Variants in SCFD2 observed in about 807,000 individuals in gnomAD.
SCFD2 encodes the protein sec1 family domain-containing protein 2.
A neutral mutation model predicts 58.9 loss-of-function variants in SCFD2; 54 were observed. The ratio of observed to expected loss-of-function variants is 0.92; its 90% CI spans 0.74 to 1.15. The LOEUF (loss-of-function observed/expected upper bound fraction) is 1.15, where lower values mean the gene tolerates loss of function less well. SCFD2 is among the 50% of genes most tolerant of loss of function. SCFD2 has a pLI of 0.00. For missense variants in SCFD2, 805 were observed against 836.6 expected (o/e 0.96, Z 0.47); for synonymous variants, 321 against 335.9 (o/e 0.96, Z 0.49).
chr4:52,912,297 T>C (rs1719505399), intron 6 of SCFD2, among the ~76,000 whole-genome samples: 1 of 152,124 alleles, frequency 6.6e-6, no homozygotes, highest in Non-Finnish European at 1.5e-5. Context: ...ATATTTTATC[T>C]AAAAGCATTA....
chr4:53,236,953 G>A (rs1729642165), intron 4 of SCFD2, among the ~76,000 whole-genome samples: 2 of 151,538 alleles, frequency 1.3e-5, no homozygotes, highest in African/African-American at 4.8e-5. Context: ...AGTGAACAAA[G>A]GTCTCTGGTT....
At chr4:52,968,463 G>A (rs540556717) in intron 5 of SCFD2, among the ~76,000 whole-genome samples, 45 of 152,316 alleles carry the variant, frequency 3.0e-4, no homozygotes, top group African/African-American at 9.6e-4. Context: ...ATCTGTGGCC[G>A]TGGGGCAAAT....
chr4:53,175,717 T>G (rs1727307671), intron 4 of SCFD2, among the ~76,000 whole-genome samples: 1 of 152,168 alleles, frequency 6.6e-6, no homozygotes, highest in Admixed American at 6.6e-5. Context: ...CCATGACACT[T>G]TCAAAAATGG....
chr4:53,322,839 T>C (rs1332288642), intron 2 of SCFD2, among the ~76,000 whole-genome samples: 1 of 152,220 alleles, frequency 6.6e-6, no homozygotes. Context: ...CTAGGCTGGA[T>C]TGATTACATC....
chr4:53,250,416 C>A (rs972921880), intron 4 of SCFD2, among the ~76,000 whole-genome samples: 1 of 152,082 alleles, frequency 6.6e-6, no homozygotes, highest in Non-Finnish European at 1.5e-5. Context: ...AACAAGGATA[C>A]CCAGGAATTG....
In SCFD2 at chr4:53,254,811, TTTTATTTTATTTTA is replaced by T. The variant is rs1730537670; in HGVS notation, c.1311+19001_1311+19014del. Among the ~76,000 whole-genome samples the T allele has an allele frequency of 3.1e-4, 4 of 12,856 alleles. No individual in the cohort carries two copies. In the South Asian group the frequency reaches 7.5e-3, roughly 24 times the overall value. The allele number at this position is 12,856 out of a possible 152,430, so 8.4% of individuals were successfully genotyped here. A position where few individuals can be genotyped will look rare whatever the true frequency, so the allele number is the denominator to read the frequency against. ...ACTTCATGTTTATTTTATTTTTTTA[TTTTATTTTATTTTA>T]TTTTATTTTATTTTATTTTATTTTA... is the stretch of plus-strand genomic sequence containing the variant. On this transcript the variant is annotated intron_variant, in intron 4 of 8. Transcript: ENST00000401642.
intron 4 of SCFD2, among the ~76,000 whole-genome samples, chr4:53,204,457 G>A (rs534631888): frequency 2.0e-5 from 3 of 150,792 alleles, no homozygotes; most frequent in South Asian, 2.1e-4. Context: ...TTAAAAATAT[G>A]AGCAAAAATA....
At position 53,115,389 on chromosome 4, in the gene SCFD2, T is replaced by C. The variant is rs75488773; in HGVS notation, c.1561+29944A>G. Among the ~76,000 whole-genome samples, 1,302 of 152,276 alleles carry C rather than the reference T, an allele frequency of 8.6e-3. 13 individuals carry two copies. The highest frequency in any genetic ancestry group is 0.028 in the African/African-American group (1,179 of 41,576). ...AAAAATATACAGTGAGAACCTGTTC[T>C]TTACTTAGTGCCAGGTCCATCCTAG... On this transcript the variant is annotated intron_variant, in intron 5 of 8. Coordinates refer to ENST00000401642, the MANE Select transcript of SCFD2 (RefSeq NM_152540.4).
intron 5 of SCFD2, among the ~76,000 whole-genome samples, chr4:53,063,425 A>C (rs993378339): frequency 1.3e-5 from 2 of 152,174 alleles, no homozygotes; most frequent in Non-Finnish European, 2.9e-5. Flanking sequence ...ATACATTTAA[A>C]ATAATAATTC....
chr4:53,348,768 G>A (rs141206474), intron 2 of SCFD2, among the ~76,000 whole-genome samples: 4 of 150,116 alleles, frequency 2.7e-5, no homozygotes, highest in Admixed American at 6.6e-5. Context: ...AGGCTGGAGT[G>A]CCATGGCCCA....
At chr4:53,038,684 A>G (rs1218618927) in intron 5 of SCFD2, among the ~76,000 whole-genome samples, 1 of 151,844 alleles carries the variant, frequency 6.6e-6, no homozygotes, top group Non-Finnish European at 1.5e-5. Context: ...GAAGACATTT[A>G]AAGTTTTTTG....
intron 5 of SCFD2, among the ~76,000 whole-genome samples, chr4:53,045,744 T>A (rs1723023969): frequency 2.6e-5 from 4 of 152,172 alleles, no homozygotes; most frequent in Admixed American, 2.6e-4. Context: ...GATGACTGAA[T>A]GAATTAATCT....
chr4:53,266,772 T>G (rs755242013), intron 4 of SCFD2, among the ~76,000 whole-genome samples: 6 of 152,214 alleles, frequency 3.9e-5, no homozygotes, highest in Non-Finnish European at 5.9e-5. Context: ...CCTAAAACAC[T>G]GACAGTGATA....
At chr4:53,310,648 T>C (rs1470305799) in intron 3 of SCFD2, among the ~76,000 whole-genome samples, 1 of 152,242 alleles carries the variant, frequency 6.6e-6, no homozygotes, top group Admixed American at 6.5e-5. Context: ...GACAATTTAA[T>C]AACAAGCTCT....
intron 8 of SCFD2, among the ~76,000 whole-genome samples, chr4:52,881,488 T>C (rs1258330133): frequency 6.6e-6 from 1 of 152,224 alleles, no homozygotes; most frequent in African/African-American, 2.4e-5. Context: ...TAGGAATGTC[T>C]CTAGCTTGGT....
At chr4:53,057,782 C>A (rs1723389842) in intron 5 of SCFD2, among the ~76,000 whole-genome samples, 1 of 152,010 alleles carries the variant, frequency 6.6e-6, no homozygotes, top group Non-Finnish European at 1.5e-5. Flanking sequence ...TAATTAGAGG[C>A]CTCTCATTAC....
At chr4:52,905,836 G>A (rs532115406) in intron 7 of SCFD2, among the ~76,000 whole-genome samples, 2 of 152,258 alleles carry the variant, frequency 1.3e-5, no homozygotes, top group East Asian at 1.9e-4. Flanking sequence ...ACAACAACAA[G>A]TGACACTCTT....
rs1161638415 is a variant in SCFD2, at chr4:52,894,652, A to G, written c.1843-8786T>C. On this transcript the variant is annotated intron_variant, in intron 7 of 8. Coordinates refer to ENST00000401642, the MANE Select transcript of SCFD2 (RefSeq NM_152540.4). Reference sequence around the variant, plus strand: ...GGTTCTGCCAAAGCTGTTTCTCCCTAGTTTGCTAGAACCACTCCCTAGTGG... The same window carrying G: ...GGTTCTGCCAAAGCTGTTTCTCCCTGGTTTGCTAGAACCACTCCCTAGTGG... Among the ~76,000 whole-genome samples, 3 of 152,212 alleles carry G rather than the reference A, an allele frequency of 2.0e-5. No individual in the cohort carries two copies. In the East Asian group the frequency reaches 5.8e-4, roughly 29 times the overall value.
chr4:53,202,281 G>T (rs1728268497), intron 4 of SCFD2, among the ~76,000 whole-genome samples: 2 of 152,142 alleles, frequency 1.3e-5, no homozygotes, highest in African/African-American at 4.8e-5. Context: ...ATTTAATAGG[G>T]AATCCTTTCC....
Sources: gnomAD v4.1 joint callset for allele counts (sites outside exome capture counted in the v4.1 genomes callset) on GRCh38, gnomAD v4.1.1 for gene constraint, MANE v1.5 for transcripts, NCBI Gene and HGNC (gene_info 2026-07-23, HGNC 2026-07-21) for gene names.